The following ZC3H12C variants were observed in gnomAD, a reference collection of about 807,000 sequenced individuals.
The protein encoded by ZC3H12C is probable ribonuclease ZC3H12C.
ZC3H12C carries 20 observed loss-of-function variants against 76.3 expected under a neutral mutation model. The ratio of observed to expected loss-of-function variants is 0.26; its 90% confidence interval spans 0.18 to 0.38. The LOEUF is 0.38. Ranked by LOEUF, ZC3H12C falls within the 10% of genes least tolerant of loss-of-function variation. The pLI is 1.00. For missense variants in ZC3H12C, 874 were observed against 1,086.5 expected, an observed-to-expected ratio of 0.80 and a Z score of 2.75; for synonymous variants, 352 against 399.6, an observed-to-expected ratio of 0.88 and a Z score of 1.42.
rs1862302195 is a variant in ZC3H12C, at chr11:110,152,944, T to A, written c.799T>A (p.Cys267Ser). ...MSHGNKEVFS[C>S]RGIKLAVDWF... ...CCATGGAAACAAAGAAGTATTTTCC[T>A]GCAGAGGAATAAAATTGGCAGTGGA... Residue 267 changes from cysteine (C) to serine (S), a missense_variant, in exon 3 of 6, where the codon TGC becomes AGC. Physicochemically the swap from Cys to Ser is moderately radical, Grantham distance 112. This residue lies in a region of ZC3H12C where 269 missense variants were observed against 424.9 expected (regional missense o/e 0.63). Coordinates refer to ENST00000278590, the MANE Select transcript of ZC3H12C (RefSeq NM_033390.2). 6.2e-7 allele frequency: 1 copy of A among 1,612,584 alleles called. No individual in the cohort carries two copies. Among genetic ancestry groups the A allele is most frequent in the African/African-American group, 1.3e-5 (1 of 74,938 alleles).
intron 2 of ZC3H12C, among the ~76,000 whole-genome samples, chr11:110,145,611 G>T (rs920222514): frequency 2.0e-5 from 3 of 148,120 alleles, no homozygotes; most frequent in African/African-American, 7.5e-5. Flanking sequence ...GGGCGGGGGG[G>T]AGTTGCAGTG....
chr11:110,096,266 G>A (rs1861110688), intron 1 of ZC3H12C, among the ~76,000 whole-genome samples: 1 of 152,162 alleles, frequency 6.6e-6, no homozygotes, highest in South Asian at 2.1e-4. Flanking sequence ...ATTTTTGTAG[G>A]ATTAGTGTGT....
At chr11:110,152,110 T>G (rs974706316) in intron 2 of ZC3H12C, among the ~76,000 whole-genome samples, 1 of 152,232 alleles carries the variant, frequency 6.6e-6, no homozygotes, top group Non-Finnish European at 1.5e-5. Flanking sequence ...AGACTTTTTC[T>G]TCAAAAACAT....
chr11:110,114,522 T>C (rs1861490185), intron 1 of ZC3H12C, among the ~76,000 whole-genome samples: 1 of 152,248 alleles, frequency 6.6e-6, no homozygotes, highest in Non-Finnish European at 1.5e-5. Context: ...TTTCTCATAG[T>C]AGGCATTCAG....
intron 1 of ZC3H12C, among the ~76,000 whole-genome samples, chr11:110,102,524 G>A (rs1242538505): frequency 6.6e-6 from 1 of 152,082 alleles, no homozygotes; most frequent in Non-Finnish European, 1.5e-5. Flanking sequence ...AAAGACAGTG[G>A]TTTCTTAATT....
intron 1 of ZC3H12C, among the ~76,000 whole-genome samples, chr11:110,111,162 GGT>G (rs1215913970): frequency 6.6e-6 from 1 of 152,130 alleles, no homozygotes; most frequent in Non-Finnish European, 1.5e-5. Context: ...TGTGCTACCA[GGT>G]GCTGAGTCTT....
intron 1 of ZC3H12C, 125 bp from the exon 2 acceptor site, chr11:110,136,538 G>C: frequency 2.9e-6 from 3 of 1,046,680 alleles, no homozygotes; most frequent in Non-Finnish European, 4.1e-6. Context: ...TGTTAGGAGG[G>C]AGGAGAGGAT....
At chr11:110,152,303 A>G (rs1400389108) in intron 2 of ZC3H12C, among the ~76,000 whole-genome samples, 2 of 152,204 alleles carry the variant, frequency 1.3e-5, no homozygotes, top group East Asian at 3.8e-4. Context: ...ATATAGTTGA[A>G]CAGAAACTAG....
intron 1 of ZC3H12C, among the ~76,000 whole-genome samples, chr11:110,103,115 C>T (rs1591456543): frequency 6.6e-6 from 1 of 152,190 alleles, no homozygotes; most frequent in East Asian, 1.9e-4. Context: ...CCAAGGTATG[C>T]CTATGGATGA....
intron 2 of ZC3H12C, among the ~76,000 whole-genome samples, chr11:110,140,090 C>T (rs1222239718): frequency 6.6e-6 from 1 of 151,944 alleles, no homozygotes; most frequent in Non-Finnish European, 1.5e-5. Context: ...TCACTTAAGG[C>T]CAGGAGTTCA....
At chr11:110,131,369 T>C (rs1861862982) in intron 1 of ZC3H12C, 1 of 416,140 alleles carries the variant, frequency 2.4e-6, no homozygotes, top group Non-Finnish European at 4.2e-6. Context: ...TATAATCATT[T>C]GGAACTTAAA....
chr11:110,094,891 T>A (rs377721081), intron 1 of ZC3H12C, among the ~76,000 whole-genome samples: 1 of 152,128 alleles, frequency 6.6e-6, no homozygotes, highest in Admixed American at 6.5e-5. Context: ...CATGAAAGAG[T>A]CTATCTTACT....
intron 2 of ZC3H12C, among the ~76,000 whole-genome samples, chr11:110,142,231 A>G (rs569703754): frequency 3.3e-5 from 5 of 152,332 alleles, no homozygotes; most frequent in Middle Eastern, 3.4e-3. Context: ...TTCTAAGTAC[A>G]TAATTCTAGT....
At chr11:110,120,716 T>C (rs1861636996) in intron 1 of ZC3H12C, among the ~76,000 whole-genome samples, 1 of 152,204 alleles carries the variant, frequency 6.6e-6, no homozygotes, top group Non-Finnish European at 1.5e-5. Flanking sequence ...ATGGGGAATC[T>C]GCAAATGATG....
At position 110,165,332 on chromosome 11, in the gene ZC3H12C, C is replaced by T; in HGVS notation, c.2247C>T (p.Asp749=). 6.2e-7 allele frequency: 1 copy of T among 1,614,032 alleles called. No homozygotes were observed. The part of the protein sequence containing the change: ...LGRSLVATRI[D]SISDSRLYDS... Reference sequence around the variant, plus strand: ...GGTCCTTGGTGGCCACGAGAATAGACAGCATCTCTGACTCTCGACTTTATG... The same window carrying T: ...GGTCCTTGGTGGCCACGAGAATAGATAGCATCTCTGACTCTCGACTTTATG... The change falls in exon 6 of 6, where the codon GAC becomes GAT. Residue 749 remains aspartate (D), a synonymous_variant. Transcript: ENST00000278590.
chr11:110,153,015 T>C lies in ZC3H12C; in HGVS notation c.870T>C (p.Pro290=), dbSNP rs772298891. Residue 290 remains proline, a synonymous_variant, in exon 3 of 6, where the codon CCT becomes CCC. Transcript: ENST00000278590. ...ACAAAGACATTACAGTTTTTGTTCC[T>C]GCTTGGAGGAAAGAGCAATCCCGAC... ...RGHKDITVFV[P]AWRKEQSRPD... The C allele has an allele frequency of 2.5e-6, 4 of 1,611,928 alleles. No homozygotes were observed. The highest frequency in any genetic ancestry group is 2.2e-5 in the East Asian group (1 of 44,868).
At chr11:110,107,883 G>A (rs10891057) in intron 1 of ZC3H12C, among the ~76,000 whole-genome samples, 105,980 of 151,786 alleles carry the variant, frequency 0.7, 37,258 homozygotes, top group East Asian at 0.89. Context: ...GGCTGGTCTT[G>A]AACTCCTGAG....
At chr11:110,106,573 C>T (rs535377511) in intron 1 of ZC3H12C, among the ~76,000 whole-genome samples, 1 of 152,200 alleles carries the variant, frequency 6.6e-6, no homozygotes. Context: ...TAATACATAT[C>T]GTGGTAATGT....
intron 1 of ZC3H12C, among the ~76,000 whole-genome samples, chr11:110,097,283 G>A (rs938891909): frequency 6.6e-6 from 1 of 152,232 alleles, no homozygotes; most frequent in Non-Finnish European, 1.5e-5. Flanking sequence ...GTAGCCTGAA[G>A]CAGAGCTCAT....
Sources: allele counts gnomAD v4.1 joint callset (sites outside exome capture counted in the v4.1 genomes callset), GRCh38; gene constraint gnomAD v4.1.1; regional missense constraint gnomAD v4.1.1; transcripts MANE v1.5; gene names NCBI Gene and HGNC (gene_info 2026-07-23, HGNC 2026-07-21).